Variants in TKFC observed in about 807,000 individuals in gnomAD.
TKFC encodes the protein triokinase and FMN cyclase, also known as triokinase/FMN cyclase.
TKFC carries 46 observed loss-of-function variants against 61.0 expected under a neutral mutation model. That is an observed-to-expected ratio of 0.75 (90% CI 0.60 to 0.96). The LOEUF (loss-of-function observed/expected upper bound fraction) is 0.96, where lower values mean the gene tolerates loss of function less well. Ranked by LOEUF, TKFC falls within the 50% of genes least tolerant of loss-of-function variation. TKFC has a pLI of 0.00. For missense variants in TKFC, 715 were observed against 777.5 expected, an observed-to-expected ratio of 0.92 and a Z score of 0.96; for synonymous variants, 314 against 330.1, an observed-to-expected ratio of 0.95 and a Z score of 0.53.
At chr11:61,349,500 CTG>C, downstream of TKFC, 1 of 701,498 alleles carries the variant, frequency 1.4e-6, no homozygotes, top group Non-Finnish European at 2.6e-6. Context: ...ACAGCCACCT[CTG>C]TTACTCATCG....
At chr11:61,342,896 G>A in intron 10 of TKFC, 52 bp downstream of exon 10, 1 of 1,576,030 alleles carries the variant, frequency 6.3e-7, no homozygotes, top group Non-Finnish European at 8.7e-7. Flanking sequence ...AAGGGCTGAG[G>A]GAGGGTCTTG....
downstream of TKFC, chr11:61,349,891 G>A (rs1040907015): frequency 2.6e-5 from 14 of 531,052 alleles, no homozygotes; most frequent in East Asian, 4.3e-4. Context: ...GGAAGTGGAC[G>A]GACACCTCAC....
chr11:61,350,976 G>A (rs867095994), downstream of TKFC: 2 of 1,609,624 alleles, frequency 1.2e-6, no homozygotes, highest in Non-Finnish European at 1.7e-6. Flanking sequence ...TGGAATGTGG[G>A]ACTGGAACCC....
At position 61,337,972 on chromosome 11, in the gene TKFC, G is replaced by A; in HGVS notation, c.35G>A (p.Gly12Asp). Residue 12 changes from glycine to aspartate, a missense_variant, in exon 3 of 18, where the codon GGC (glycine) becomes GAC (aspartate). By Grantham distance (94) the Gly-to-Asp change is moderately conservative. Transcript: ENST00000394900. ...TSKKLVNSVA[G>D]CADDALAGLV... ...AAGAAGCTGGTGAACTCGGTGGCTG[G>A]CTGTGCTGATGACGCTCTTGCTGGC... is the stretch of plus-strand genomic sequence containing the variant. 1 of 1,608,954 alleles carries A rather than the reference G, an allele frequency of 6.2e-7. No homozygotes were observed. The highest frequency in any genetic ancestry group is 8.5e-7 in the Non-Finnish European group (1 of 1,178,208).
Position 61,342,789 on chromosome 11 carries a change from T to TA in TKFC, c.810_811insA (p.Gly271ArgfsTer51), listed in dbSNP as rs1856924069. On this transcript the variant is annotated frameshift_variant, in exon 10 of 18. Transcript: ENST00000394900. LOFTEE classifies it high-confidence loss of function. Reference sequence around the variant, plus strand: ...TTGTGATGATGGTCAACAACCTGGGTGGCCTGTCATTCCTGGAACTGGGCA... The same window carrying TA: ...TTGTGATGATGGTCAACAACCTGGGTAGGCCTGTCATTCCTGGAACTGGGCA... 1 of 1,613,808 alleles carries TA rather than the reference T, an allele frequency of 6.2e-7. No homozygotes were observed. The highest frequency in any genetic ancestry group is 8.5e-7 in the Non-Finnish European group (1 of 1,180,006).
In TKFC at chr11:61,339,308, T is replaced by TGGCCCGGGAGCA. The variant is rs752031119; in HGVS notation, c.368_379dup (p.Glu123_Arg126dup). The TGGCCCGGGAGCA allele has an allele frequency of 9.9e-6, 16 of 1,613,890 alleles. No individual in the cohort carries two copies. Among genetic ancestry groups the TGGCCCGGGAGCA allele is most frequent in the Middle Eastern group, 1.6e-4 (1 of 6,062 alleles). ...ACTGGGGATCGGCTCAACTTCGGCC[T>TGGCCCGGGAGCA]GGCCCGGGAGCAGGCCCGGGCTGAA... On this transcript the variant is annotated inframe_insertion, in exon 5 of 18. Transcript: ENST00000394900.
downstream of TKFC, chr11:61,352,766 C>CAA (rs1246203629): frequency 7.2e-7 from 1 of 1,391,822 alleles, no homozygotes; most frequent in Non-Finnish European, 9.4e-7. Context: ...CTGTTTCTGA[C>CAA]ACACAGCAGG....
intron 2 of TKFC, 139 bp downstream of exon 2, chr11:61,334,870 A>G: frequency 7.7e-7 from 1 of 1,300,872 alleles, no homozygotes; most frequent in South Asian, 1.3e-5. Context: ...AGAGAGGGTC[A>G]TCCTCTCTCC....
chr11:61,333,247 G>C lies in TKFC; in HGVS notation c.-192G>C. The C allele has an allele frequency of 3.1e-6, 1 of 321,062 alleles. No homozygotes were observed. The allele number at this position is 321,062 out of a possible 1,614,324, so 19.9% of individuals were successfully genotyped here. A position where few individuals can be genotyped will look rare whatever the true frequency, so the allele number is the denominator to read the frequency against. The stretch of plus-strand genomic sequence containing the variant: ...CTTTCCGCCAGCGCCCGCAGGACCC[G>C]GATGAGAGCGCACGCTTCGGGGTCT... On this transcript the variant is annotated 5_prime_UTR_variant, in exon 1 of 18. Coordinates refer to ENST00000394900, the MANE Select transcript of TKFC (RefSeq NM_015533.4).
downstream of TKFC, chr11:61,353,417 T>C: frequency 1.6e-6 from 1 of 608,290 alleles, no homozygotes; most frequent in African/African-American, 1.8e-5. Context: ...CATAAAACTC[T>C]TCACTCGCAC....
chr11:61,343,229 G>A, intron 10 of TKFC, 113 bp from the exon 11 acceptor site: 1 of 951,612 alleles, frequency 1.1e-6, no homozygotes, highest in Non-Finnish European at 1.6e-6. Context: ...AGGAAATCAG[G>A]ACATCTCCCT....
At chr11:61,350,819 G>A (rs1028791125), downstream of TKFC, 10 of 879,688 alleles carry the variant, frequency 1.1e-5, no homozygotes, top group African/African-American at 6.8e-5. Context: ...ACTGGGATGC[G>A]CTGGTTTGGG....
At position 61,343,814 on chromosome 11, in the gene TKFC, G is replaced by A. The variant is rs1166749292; in HGVS notation, c.983-42G>A. ...GGGTCCAAGCCCTGCTGAATCCCTGGCTGGACAGCCGTGTCTAAGAGAGTT... is the reference window on the plus strand; with the variant it reads ...GGGTCCAAGCCCTGCTGAATCCCTGACTGGACAGCCGTGTCTAAGAGAGTT... On this transcript the variant is annotated intron_variant, in intron 11 of 17. Coordinates refer to ENST00000394900, the MANE Select transcript of TKFC (RefSeq NM_015533.4). 4 of 1,585,516 alleles carry A rather than the reference G, an allele frequency of 2.5e-6. No homozygotes were observed. In the South Asian group the frequency reaches 4.5e-5, roughly 18 times the overall value.
Position 61,345,925 on chromosome 11 carries a change from A to G in TKFC, c.1554A>G (p.Gln518=), listed in dbSNP as rs1240699788. 1.2e-6 allele frequency: 2 copies of G among 1,613,986 alleles called. No individual in the cohort carries two copies. Among genetic ancestry groups the G allele is most frequent in the Non-Finnish European group, 1.7e-6 (2 of 1,180,012 alleles). Residue 518 remains glutamine (Q), a synonymous_variant, in exon 17 of 18, where the codon CAA becomes CAG. Transcript: ENST00000394900. ...AGAGCCCAGGAGCTGATCTGTTACA[A>G]GTCCTGACCAAAGCAGTCAAGGTGA... ...AWKSPGADLL[Q]VLTKAVKSAE...
At chr11:61,353,390 TC>T (rs1295479522), downstream of TKFC, 1 of 599,978 alleles carries the variant, frequency 1.7e-6, no homozygotes, top group East Asian at 2.9e-5. Context: ...TGTCTCTGGT[TC>T]CTTCCAGTCC....
At chr11:61,345,600 G>A in intron 15 of TKFC, 35 bp downstream of exon 15, 1 of 1,611,806 alleles carries the variant, frequency 6.2e-7, no homozygotes, top group Non-Finnish European at 8.5e-7. Flanking sequence ...ACCAGGGGTG[G>A]GCTGGGGGAG....
At position 61,348,586 on chromosome 11, in the gene TKFC, T is replaced by TCCACCCTCATAACCCC; in HGVS notation, c.*2083_*2084insCCACCCTCATAACCCC. 1 of 800,068 alleles carries TCCACCCTCATAACCCC rather than the reference T, an allele frequency of 1.2e-6. No homozygotes were observed. The highest frequency in any genetic ancestry group is 1.5e-6 in the Non-Finnish European group (1 of 660,528). The allele number at this position is 800,068 out of a possible 1,614,324, so 49.6% of individuals were successfully genotyped here. A position where few individuals can be genotyped will look rare whatever the true frequency, so the allele number is the denominator to read the frequency against. On this transcript the variant is annotated 3_prime_UTR_variant, in exon 18 of 18. Coordinates refer to ENST00000394900, the MANE Select transcript of TKFC (RefSeq NM_015533.4). ...TGGGGCCTTTGGGAGGTGATGGGGTTATGAGGGTGGAGCCCCAGAGAGCTC... is the reference window on the plus strand; with the variant it reads ...TGGGGCCTTTGGGAGGTGATGGGGTTCCACCCTCATAACCCCATGAGGGTGGAGCCCCAGAGAGCTC...
Position 61,346,305 on chromosome 11 carries a change from G to C in TKFC, c.1576-46G>C. The C allele has an allele frequency of 6.2e-7, 1 of 1,609,230 alleles. No individual in the cohort carries two copies. The highest frequency in any genetic ancestry group is 1.3e-5 in the African/African-American group (1 of 75,042). Reference sequence around the variant, plus strand: ...TTCTGCCCATGGCAGGAAGGAGGCGGCCTGGTGATCTGCCCTTGAACCTGC... The same window carrying C: ...TTCTGCCCATGGCAGGAAGGAGGCGCCCTGGTGATCTGCCCTTGAACCTGC... On this transcript the variant is annotated intron_variant, in intron 17 of 17. Transcript: ENST00000394900. This position sits in a 1 kb window ranked among gnomAD's most constrained non-coding sequence, Gnocchi z 4.1.
downstream of TKFC, chr11:61,352,945 C>T: frequency 1.2e-6 from 2 of 1,614,026 alleles, no homozygotes; most frequent in African/African-American, 1.3e-5. Flanking sequence ...ACCCTATTCC[C>T]TCCTCTTCAC....
Sources: allele counts gnomAD v4.1 joint callset, GRCh38; gene constraint gnomAD v4.1.1; non-coding constraint Gnocchi (gnomAD v3.1); transcripts MANE v1.5; gene names NCBI Gene and HGNC (gene_info 2026-07-23, HGNC 2026-07-21).